Variants in IQCM observed in about 807,000 individuals in gnomAD.
IQCM encodes IQ motif containing M.
Under a neutral mutation model 57.6 loss-of-function variants are expected in IQCM, and 45 were observed. That is an observed-to-expected ratio of 0.78 (90% CI 0.62 to 1.00). IQCM has a LOEUF of 1.00. IQCM is among the 50% of genes least tolerant of loss of function. The pLI is 0.00. For missense variants in IQCM, 468 were observed against 511.6 expected, an observed-to-expected ratio of 0.91 and a Z score of 0.82; for synonymous variants, 148 against 158.9, an observed-to-expected ratio of 0.93 and a Z score of 0.51.
chr4:149,373,184 T>A (rs533683425), intron 13 of IQCM, among the ~76,000 whole-genome samples: 1 of 152,262 alleles, frequency 6.6e-6, no homozygotes, highest in East Asian at 1.9e-4. Context: ...TATATGTTAT[T>A]TTATTTTTTT....
chr4:149,659,367 G>A (rs1041038752), intron 7 of IQCM, among the ~76,000 whole-genome samples: 1 of 152,022 alleles, frequency 6.6e-6, no homozygotes, highest in African/African-American at 2.4e-5. Flanking sequence ...CATACTCACG[G>A]GTAGGAAGAA....
chr4:149,358,773 G>A (rs1015083920), intron 13 of IQCM, among the ~76,000 whole-genome samples: 13 of 122,432 alleles, frequency 1.1e-4, no homozygotes, highest in Admixed American at 1.6e-4. Flanking sequence ...TTTTTTGGTT[G>A]TAGGCTGGGG....
In IQCM at chr4:149,592,082, G is replaced by T. The variant is rs369330281; in HGVS notation, c.682-4085C>A. Among the ~76,000 whole-genome samples, 7 of 152,260 alleles carry T rather than the reference G, an allele frequency of 4.6e-5. No individual in the cohort carries two copies. In the East Asian group the frequency reaches 1.4e-3, roughly 29 times the overall value. On this transcript the variant is annotated intron_variant, in intron 8 of 13. Coordinates refer to ENST00000636793, the MANE Select transcript of IQCM (RefSeq NM_001363507.2). Reference sequence around the variant, plus strand: ...TTACAGTCCCACCAACAGTGTAAAAGTGTTCCTATTTCTCCACATCCTCTC... The same window carrying T: ...TTACAGTCCCACCAACAGTGTAAAATTGTTCCTATTTCTCCACATCCTCTC...
intron 12 of IQCM, among the ~76,000 whole-genome samples, chr4:149,457,297 G>T (rs946547477): frequency 6.6e-6 from 1 of 152,042 alleles, no homozygotes; most frequent in Non-Finnish European, 1.5e-5. Flanking sequence ...ACAGGCCCTG[G>T]AAATCTCTCT....
In IQCM at chr4:149,723,501, C is replaced by T. The variant is rs140519664; in HGVS notation, c.385+9743G>A. 2.6e-4 allele frequency among the ~76,000 whole-genome samples: 40 copies of T among 151,826 alleles called. No individual in the cohort carries two copies. In the East Asian group the frequency reaches 4.1e-3, roughly 15 times the overall value. On this transcript the variant is annotated intron_variant, in intron 5 of 13. Transcript: ENST00000636793. ...GTTGAGGGTTTTTATTGTAAAGGGA[C>T]GCTGCATTTTTTCAAATGCTTTTTC...
chr4:149,706,081 TA>T (rs974136081), intron 5 of IQCM, among the ~76,000 whole-genome samples: 6 of 152,090 alleles, frequency 3.9e-5, no homozygotes, highest in African/African-American at 7.2e-5. Context: ...TATTCTTTTT[TA>T]AAAAAGTTTC....
chr4:149,535,212 A>G (rs1747167748), intron 12 of IQCM, among the ~76,000 whole-genome samples: 1 of 152,092 alleles, frequency 6.6e-6, no homozygotes, highest in African/African-American at 2.4e-5. Flanking sequence ...CTGCATCAAG[A>G]TAAATGCCAG....
At chr4:149,503,462 C>A (rs1218682702) in intron 12 of IQCM, among the ~76,000 whole-genome samples, 2 of 151,944 alleles carry the variant, frequency 1.3e-5, no homozygotes, top group East Asian at 1.9e-4. Flanking sequence ...CAAAGTGGCT[C>A]CAGAATTGTC....
At chr4:149,793,531 T>A (rs1772832818) in intron 2 of IQCM, 1 of 152,210 alleles carries the variant, frequency 6.6e-6, no homozygotes, top group South Asian at 2.1e-4. Context: ...TATATTATTT[T>A]AAATATGCAT....
At chr4:149,632,377 A>G (rs998745824) in intron 7 of IQCM, among the ~76,000 whole-genome samples, 7 of 152,230 alleles carry the variant, frequency 4.6e-5, no homozygotes, top group African/African-American at 1.7e-4. Flanking sequence ...TTCACAGGTT[A>G]TGTATGAGCT....
chr4:149,494,516 G>A (rs1185503420), intron 12 of IQCM, among the ~76,000 whole-genome samples: 2 of 152,036 alleles, frequency 1.3e-5, no homozygotes, highest in Non-Finnish European at 2.9e-5. Context: ...TTTCATGTTT[G>A]TGCCCAAGAA....
intron 7 of IQCM, among the ~76,000 whole-genome samples, chr4:149,668,320 C>T (rs1170935400): frequency 6.6e-6 from 1 of 152,128 alleles, no homozygotes; most frequent in African/African-American, 2.4e-5. Flanking sequence ...TCATATCCAG[C>T]CAAACCGTGC....
intron 12 of IQCM, 28 bp from the exon 13 acceptor site, chr4:149,433,585 AT>A: frequency 1.1e-6 from 1 of 934,430 alleles, no homozygotes; most frequent in Non-Finnish European, 1.4e-6. Context: ...AATATATAAA[AT>A]TTTAGACATT....
chr4:149,490,100 T>C (rs1289749242), intron 12 of IQCM, among the ~76,000 whole-genome samples: 1 of 151,938 alleles, frequency 6.6e-6, no homozygotes, highest in Non-Finnish European at 1.5e-5. Flanking sequence ...AACATTACTA[T>C]AATAGGTTGG....
chr4:149,583,693 G>T (rs541591681), intron 9 of IQCM, among the ~76,000 whole-genome samples: 3 of 151,430 alleles, frequency 2.0e-5, no homozygotes, highest in Non-Finnish European at 4.4e-5. Context: ...TGGACCTCAA[G>T]GAACATTATG....
intron 8 of IQCM, among the ~76,000 whole-genome samples, chr4:149,590,969 C>T (rs1561029860): frequency 2.0e-5 from 3 of 151,976 alleles, no homozygotes; most frequent in African/African-American, 7.2e-5. Context: ...AAAACCTGGT[C>T]TTCCCAGGCC....
chr4:149,452,350 A>G lies in IQCM; in HGVS notation c.1229-18793T>C, dbSNP rs534183946. On this transcript the variant is annotated intron_variant, in intron 12 of 13. Transcript: ENST00000636793. ...TAGAAATTGACAAGATGATTCTAAAATATATATGAAAATATGAAGTATCTA... is the reference window on the plus strand; with the variant it reads ...TAGAAATTGACAAGATGATTCTAAAGTATATATGAAAATATGAAGTATCTA... Among the ~76,000 whole-genome samples the G allele has an allele frequency of 4.7e-4, 72 of 151,636 alleles. 1 individual carries two copies. In the South Asian group the frequency reaches 0.015, roughly 31 times the overall value.
At chr4:149,520,961 G>A (rs1745578837) in intron 12 of IQCM, among the ~76,000 whole-genome samples, 1 of 152,102 alleles carries the variant, frequency 6.6e-6, no homozygotes. Context: ...CTCTGCTGGT[G>A]GCTTCTATGC....
chr4:149,785,626 T>C (rs1031743416), intron 2 of IQCM, among the ~76,000 whole-genome samples: 8 of 150,622 alleles, frequency 5.3e-5, no homozygotes, highest in Non-Finnish European at 1.2e-4. Context: ...ACTTTAAGCA[T>C]GAAATTGTTA....
Sources: gnomAD v4.1 joint callset for allele counts (sites outside exome capture counted in the v4.1 genomes callset) on GRCh38, gnomAD v4.1.1 for gene constraint, MANE v1.5 for transcripts, NCBI Gene and HGNC (gene_info 2026-07-23, HGNC 2026-07-21) for gene names.